Variants in DPY19L2 observed in about 807,000 individuals in gnomAD.
The protein encoded by DPY19L2 is dpy-19 like 2, also known as probable C-mannosyltransferase DPY19L2.
A neutral mutation model predicts 97.9 loss-of-function variants in DPY19L2; 34 were observed. The ratio of observed to expected loss-of-function variants is 0.35; its 90% CI spans 0.26 to 0.46. The LOEUF (loss-of-function observed/expected upper bound fraction) is 0.46. DPY19L2 is among the 20% of genes least tolerant of loss of function. DPY19L2 has a pLI of 1.00. For missense variants in DPY19L2, 623 were observed against 911.4 expected (o/e 0.68, Z 4.07); for synonymous variants, 230 against 307.9 (o/e 0.75, Z 2.65).
chr12:63,622,015 T>C (rs1888770146), intron 8 of DPY19L2, among the ~76,000 whole-genome samples: 1 of 152,186 alleles, frequency 6.6e-6, no homozygotes, highest in African/African-American at 2.4e-5. Flanking sequence ...AATTCTGTAT[T>C]GGATTTTGAT....
chr12:63,631,312 C>G (rs7300687), intron 6 of DPY19L2, among the ~76,000 whole-genome samples: 105,247 of 151,684 alleles, frequency 0.69, 37,062 homozygotes, highest in African/African-American at 0.8. Context: ...AAAACTGATA[C>G]ACCGCTAGCA....
chr12:63,667,755 AT>A (rs1364542322), intron 1 of DPY19L2, among the ~76,000 whole-genome samples: 1 of 151,930 alleles, frequency 6.6e-6, no homozygotes, highest in Non-Finnish European at 1.5e-5. Context: ...TGCTCCACTA[AT>A]TATTTCCTCT....
chr12:63,610,311 T>TTA (rs4044899), intron 11 of DPY19L2, among the ~76,000 whole-genome samples: 24 of 150,036 alleles, frequency 1.6e-4, no homozygotes, highest in East Asian at 3.9e-4. Context: ...CTGAGTATAA[T>TTA]TATATATATA....
chr12:63,668,554 G>A (rs1187910138), upstream of DPY19L2: 2 of 762,470 alleles, frequency 2.6e-6, no homozygotes, highest in Admixed American at 2.9e-5. Context: ...GTGGGGTGGG[G>A]CGCATGCGTT....
intron 6 of DPY19L2, among the ~76,000 whole-genome samples, chr12:63,639,250 C>A (rs1892280243): frequency 6.6e-6 from 1 of 152,020 alleles, no homozygotes; most frequent in Admixed American, 6.6e-5. Flanking sequence ...CCATAAAAAC[C>A]CTAGAAGAAA....
intron 8 of DPY19L2, among the ~76,000 whole-genome samples, chr12:63,623,526 T>C (rs1036889277): frequency 6.6e-6 from 1 of 152,014 alleles, no homozygotes; most frequent in Admixed American, 6.6e-5. Context: ...TTTTGGTTTA[T>C]TAAAACATAA....
intron 19 of DPY19L2, among the ~76,000 whole-genome samples, 182 bp from the exon 20 acceptor site, chr12:63,571,039 G>A (rs1269591671): frequency 6.6e-6 from 1 of 151,900 alleles, no homozygotes; most frequent in Non-Finnish European, 1.5e-5. Flanking sequence ...GCTGACTTTT[G>A]TTAAATACTA....
chr12:63,645,211 T>C (rs1893247737), intron 5 of DPY19L2, among the ~76,000 whole-genome samples: 1 of 152,162 alleles, frequency 6.6e-6, no homozygotes, highest in African/African-American at 2.4e-5. Context: ...ACATAAGATA[T>C]TCAACTTGTC....
At chr12:63,626,618 TCA>T (rs955583587) in intron 6 of DPY19L2, 92 bp from the exon 7 acceptor site, 34 of 1,468,494 alleles carry the variant, frequency 2.3e-5, no homozygotes, top group Middle Eastern at 2.1e-4. Flanking sequence ...GAATTTAAAA[TCA>T]CAGTTTTCTA....
chr12:63,663,066 A>C (rs1173758287), intron 3 of DPY19L2, among the ~76,000 whole-genome samples: 2 of 152,188 alleles, frequency 1.3e-5, no homozygotes, highest in African/African-American at 4.8e-5. Context: ...ATTTTTTATT[A>C]CAAATTTAAA....
At chr12:63,621,094 G>A (rs1422490218) in intron 9 of DPY19L2, 144 bp downstream of exon 9, 24 of 519,822 alleles carry the variant, frequency 4.6e-5, no homozygotes, top group South Asian at 4.6e-5. Context: ...GCTAATGCAT[G>A]CTGGGCTTAA....
chr12:63,584,950 A>G (rs1290058781), intron 16 of DPY19L2, among the ~76,000 whole-genome samples: 4 of 152,308 alleles, frequency 2.6e-5, no homozygotes, highest in African/African-American at 9.6e-5. Context: ...AGTTATGGCC[A>G]CAGTCCATGA....
intron 15 of DPY19L2, among the ~76,000 whole-genome samples, chr12:63,594,782 G>A (rs889806733): frequency 1.2e-3 from 181 of 151,374 alleles, no homozygotes; most frequent in African/African-American, 3.9e-3. Context: ...TAGCAGTTGC[G>A]GATCTAGCTA....
In DPY19L2 at chr12:63,661,480, C is replaced by T; in HGVS notation, c.452G>A (p.Gly151Glu). Residue 151 changes from glycine (G) to glutamate (E), a missense_variant and splice_region_variant, in exon 4 of 22, where the codon GGA becomes GAA. Around this residue, in one of 6 missense-constraint regions of DPY19L2, gnomAD observed 84 missense variants for 125.4 expected, o/e 0.67. Transcript: ENST00000324472. ...GGTCTTGAAGTATGAATAATAAAGT[C>T]CCTTTTTTTAAAAAAAGACATATAT... ...EREMTFRTEM[G>E]LYYSYFKTII... is the part of the protein sequence containing the mutation. 9.0e-6 allele frequency: 14 copies of T among 1,550,224 alleles called. No homozygotes were observed. Among genetic ancestry groups the T allele is most frequent in the Non-Finnish European group, 1.2e-5 (14 of 1,156,774 alleles).
At chr12:63,651,097 T>C (rs1401208836) in intron 4 of DPY19L2, among the ~76,000 whole-genome samples, 3 of 152,022 alleles carry the variant, frequency 2.0e-5, no homozygotes, top group African/African-American at 7.2e-5. Context: ...AGAAATAAAG[T>C]CACACACCTA....
chr12:63,623,864 C>A, intron 8 of DPY19L2, 176 bp downstream of exon 8: 1 of 461,224 alleles, frequency 2.2e-6, no homozygotes. Flanking sequence ...ACCACCATGC[C>A]CGGCTAATTT....
chr12:63,646,179 T>A (rs1893385630), intron 5 of DPY19L2, among the ~76,000 whole-genome samples: 2 of 152,178 alleles, frequency 1.3e-5, no homozygotes, highest in Admixed American at 1.3e-4. Flanking sequence ...ATAAGCTCTA[T>A]GAGGGTAAGG....
intron 6 of DPY19L2, among the ~76,000 whole-genome samples, chr12:63,628,494 T>G (rs986305374): frequency 6.6e-6 from 1 of 152,006 alleles, no homozygotes; most frequent in Non-Finnish European, 1.5e-5. Flanking sequence ...GAGATCCAAC[T>G]GCAAGGCGGC....
At chr12:63,569,443 C>T (rs1878389046) in intron 20 of DPY19L2, 94 bp from the exon 21 acceptor site, 1 of 988,040 alleles carries the variant, frequency 1.0e-6, no homozygotes. Flanking sequence ...TCTCAATACT[C>T]ACTGGATGGA....
Sources: allele counts gnomAD v4.1 joint callset (sites outside exome capture counted in the v4.1 genomes callset), GRCh38; gene constraint gnomAD v4.1.1; regional missense constraint gnomAD v4.1.1; transcripts MANE v1.5; gene names NCBI Gene and HGNC (gene_info 2026-07-23, HGNC 2026-07-21).